VAC14: variants seen among roughly 807,000 people sequenced by gnomAD.
VAC14 encodes protein VAC14 homolog.
VAC14 carries 47 observed loss-of-function variants against 85.3 expected under a neutral mutation model. The ratio of observed to expected loss-of-function variants is 0.55; its 90% CI spans 0.44 to 0.70. The LOEUF is 0.70. Ranked by LOEUF, VAC14 falls within the 30% of genes least tolerant of loss-of-function variation. The pLI, the probability that VAC14 is intolerant of heterozygous loss-of-function variation, is 0.00. For missense variants in VAC14, 861 were observed against 1,004.3 expected, an observed-to-expected ratio of 0.86 and a Z score of 1.93; for synonymous variants, 447 against 430.5, an observed-to-expected ratio of 1.04 and a Z score of -0.47.
chr16:70,696,808 C>T, intron 16 of VAC14: 1 of 299,604 alleles, frequency 3.3e-6, no homozygotes, highest in African/African-American at 2.2e-5. Flanking sequence ...GGGGCAGGAG[C>T]TGGGGTTCTC....
intron 1 of VAC14, among the ~76,000 whole-genome samples, chr16:70,790,990 G>T (rs766755331): frequency 4.6e-5 from 7 of 152,220 alleles, no homozygotes; most frequent in Non-Finnish European, 1.0e-4. Flanking sequence ...CTGGGCCACC[G>T]GCAGGAAGAA....
At chr16:70,740,533 CA>C (rs1367853458) in intron 13 of VAC14, among the ~76,000 whole-genome samples, 1 of 152,226 alleles carries the variant, frequency 6.6e-6, no homozygotes, top group Non-Finnish European at 1.5e-5. Context: ...AAGTTTTTTG[CA>C]CAGGCTCAGG....
intron 12 of VAC14, among the ~76,000 whole-genome samples, chr16:70,750,198 GTCC>G (rs1318311556): frequency 1.3e-5 from 2 of 152,246 alleles, no homozygotes; most frequent in African/African-American, 4.8e-5. Flanking sequence ...AACAGACCTA[GTCC>G]TCCTTCCAGT....
intron 18 of VAC14, chr16:70,691,894 G>C (rs1230212294): frequency 1.0e-6 from 1 of 985,208 alleles, no homozygotes; most frequent in East Asian, 1.1e-4. Context: ...GCAAAGGCGA[G>C]CACCCGAGGC....
rs774605510 is a variant in VAC14, at chr16:70,783,094, G to T, written c.750C>A (p.Asn250Lys). 5.0e-6 allele frequency: 8 copies of T among 1,614,034 alleles called. No homozygotes were observed. In the African/African-American group the frequency reaches 1.1e-4, roughly 22 times the overall value. The change falls in exon 7 of 19, where the codon AAC (asparagine) becomes AAA (lysine). Residue 250 changes from asparagine to lysine, a missense_variant. Coordinates refer to ENST00000261776, the MANE Select transcript of VAC14 (RefSeq NM_018052.5). ...TCTCAGCAAACTTCACACTGGAGGG[G>T]TTCTTCTTAATTTCTTTTAAGAATT... Reference protein sequence around the residue: ...LGEFLKEIKKNPSSVKFAEMA... With the variant: ...LGEFLKEIKKKPSSVKFAEMA...
At chr16:70,757,985 A>G (rs1476913829) in intron 12 of VAC14, among the ~76,000 whole-genome samples, 1 of 152,228 alleles carries the variant, frequency 6.6e-6, no homozygotes, top group South Asian at 2.1e-4. Context: ...CGTGCTCTTA[A>G]CCACCAGGCC....
intron 1 of VAC14, among the ~76,000 whole-genome samples, chr16:70,791,398 C>A (rs2034332296): frequency 6.6e-6 from 1 of 152,064 alleles, no homozygotes; most frequent in South Asian, 2.1e-4. Context: ...CTTTTTTTTC[C>A]CTTTGAGACA....
At chr16:70,710,122 A>G (rs955839523) in intron 14 of VAC14, among the ~76,000 whole-genome samples, 3 of 152,222 alleles carry the variant, frequency 2.0e-5, no homozygotes, top group African/African-American at 7.2e-5. Context: ...TGGGACAGGA[A>G]GGAACTGAAG....
At chr16:70,772,373 A>G in intron 9 of VAC14, 1 of 554,564 alleles carries the variant, frequency 1.8e-6, no homozygotes, top group Non-Finnish European at 3.2e-6. Flanking sequence ...GTAAGTCTGT[A>G]GTCACAGTGA....
chr16:70,773,772 A>G (rs145222052), intron 9 of VAC14, among the ~76,000 whole-genome samples: 1 of 144,124 alleles, frequency 6.9e-6, no homozygotes, highest in East Asian at 2.1e-4. Context: ...TATTATTATT[A>G]TTTTTTTTTG....
chr16:70,738,280 C>G (rs770947134), intron 13 of VAC14, among the ~76,000 whole-genome samples: 1 of 152,090 alleles, frequency 6.6e-6, no homozygotes, highest in Non-Finnish European at 1.5e-5. Context: ...AGACAAAGGC[C>G]GCCGCAATGG....
chr16:70,707,824 G>A (rs1364424970), intron 14 of VAC14, among the ~76,000 whole-genome samples: 6 of 150,758 alleles, frequency 4.0e-5, no homozygotes, highest in African/African-American at 1.5e-4. Flanking sequence ...TCAAGATGGA[G>A]TCTCGCTCTG....
At chr16:70,757,051 TTCTGTTAC>T (rs1280764113) in intron 12 of VAC14, among the ~76,000 whole-genome samples, 1 of 152,218 alleles carries the variant, frequency 6.6e-6, no homozygotes, top group African/African-American at 2.4e-5. Context: ...TCAGCAATTT[TTCTGTTAC>T]TCTGAAGCTA....
intron 12 of VAC14, among the ~76,000 whole-genome samples, chr16:70,750,166 C>G (rs2031263252): frequency 6.6e-6 from 1 of 152,228 alleles, no homozygotes; most frequent in Admixed American, 6.5e-5. Flanking sequence ...TTCTAGGCCA[C>G]TCCTGCCTCA....
chr16:70,708,779 C>A (rs1460054028), intron 14 of VAC14, among the ~76,000 whole-genome samples: 1 of 152,138 alleles, frequency 6.6e-6, no homozygotes, highest in African/African-American at 2.4e-5. Context: ...GTGAGGAGGG[C>A]AAGGCCGGGG....
chr16:70,775,971 C>T (rs2033496128), intron 9 of VAC14, among the ~76,000 whole-genome samples: 1 of 152,182 alleles, frequency 6.6e-6, no homozygotes, highest in African/African-American at 2.4e-5. Flanking sequence ...AGAGCAGTTA[C>T]CCCTTCTAAA....
intron 14 of VAC14, among the ~76,000 whole-genome samples, chr16:70,718,290 G>A (rs570260294): frequency 6.6e-6 from 1 of 152,170 alleles, no homozygotes; most frequent in Non-Finnish European, 1.5e-5. Context: ...ACTGTGCTTG[G>A]GGCTGGGTGC....
At chr16:70,779,074 T>C (rs536020019) in intron 9 of VAC14, 20 of 152,236 alleles carry the variant, frequency 1.3e-4, no homozygotes, top group Non-Finnish European at 2.2e-4. Flanking sequence ...GCCTCCCGCG[T>C]GGCAGGCGAG....
intron 12 of VAC14, among the ~76,000 whole-genome samples, chr16:70,752,674 T>TAACCACA (rs2031481344): frequency 3.3e-5 from 5 of 152,236 alleles, no homozygotes; most frequent in Non-Finnish European, 7.3e-5. Context: ...GTGGTTTACT[T>TAACCACA]GCAAGCTACG....
Sources: gnomAD v4.1 joint callset for allele counts (sites outside exome capture counted in the v4.1 genomes callset) on GRCh38, gnomAD v4.1.1 for gene constraint, MANE v1.5 for transcripts, NCBI Gene and HGNC (gene_info 2026-07-23, HGNC 2026-07-21) for gene names.